The following CFD variants were observed in gnomAD, a reference collection of about 807,000 sequenced individuals.
The protein encoded by CFD is C3 convertase activator.
In CFD, 24 loss-of-function variants were observed where a neutral mutation model predicts 21.1. That is an observed-to-expected ratio of 1.14 (90% CI 0.82 to 1.60). The LOEUF (loss-of-function observed/expected upper bound fraction) is 1.60. CFD is among the 40% of genes most tolerant of loss of function. The pLI, the probability that CFD is intolerant of heterozygous loss-of-function variation, is 0.00. For synonymous variants in CFD, 242 were observed against 175.9 expected, an observed-to-expected ratio of 1.38 and a Z score of -2.97; for missense variants, 535 against 383.3, an observed-to-expected ratio of 1.40 and a Z score of -3.31.
In CFD at chr19:863,123, G is replaced by T; in HGVS notation, c.647G>T (p.Gly216Val). Residue 216 changes from glycine (G) to valine (V), a missense_variant, in exon 5 of 5, where the codon GGC (glycine) becomes GTC (valine). Gly to Val is a moderately radical substitution (Grantham distance 109). Transcript: ENST00000327726. Reference protein sequence around the residue: ...GDSGGPLVCGGVLEGVVTSGS... With the variant: ...GDSGGPLVCGVVLEGVVTSGS... ...TCCGGGGGCCCGCTGGTGTGCGGGG[G>T]CGTGCTCGAGGGCGTGGTCACCTCG... The T allele has an allele frequency of 1.3e-6, 2 of 1,531,956 alleles. No individual in the cohort carries two copies. Among genetic ancestry groups the T allele is most frequent in the Non-Finnish European group, 1.7e-6 (2 of 1,143,438 alleles). 94.9% of individuals were successfully genotyped at this position (1,531,956 alleles called of 1,614,324 possible). A position where few individuals can be genotyped will look rare whatever the true frequency, so the allele number is the denominator to read the frequency against.
Position 860,861 on chromosome 19 carries a change from GGCC to G in CFD, c.215_217del (p.Ala72del). On this transcript the variant is annotated inframe_deletion and splice_region_variant, in exon 3 of 5. Transcript: ENST00000327726. ...ACCGCGGACTCCGTCCGGTCCCCAG[GGCC>G]GACGGGAAGGTGCAGGTTCTCCTGG... is the stretch of plus-strand genomic sequence containing the variant. 1 of 1,570,088 alleles carries G rather than the reference GGCC, an allele frequency of 6.4e-7. No individual in the cohort carries two copies. Among genetic ancestry groups the G allele is most frequent in the Non-Finnish European group, 8.6e-7 (1 of 1,164,328 alleles).
Position 862,031 on chromosome 19 carries a change from G to C in CFD, c.615+75G>C. On this transcript the variant is annotated intron_variant, in intron 4 of 4. Transcript: ENST00000327726. ...GGGCCTGCAGAGGGAGCGCGAAGCG[G>C]GGGGCAAGTAGGAACAGGGCCCAGG... 7.4e-6 allele frequency: 11 copies of C among 1,493,006 alleles called. No individual in the cohort carries two copies. In the South Asian group the frequency reaches 1.0e-4, roughly 14 times the overall value. 92.5% of individuals were successfully genotyped at this position (1,493,006 alleles called of 1,614,324 possible). A position where few individuals can be genotyped will look rare whatever the true frequency, so the allele number is the denominator to read the frequency against.
At position 863,603 on chromosome 19, in the gene CFD, C is replaced by T; in HGVS notation, c.*365C>T. On this transcript the variant is annotated 3_prime_UTR_variant, in exon 5 of 5. Transcript: ENST00000327726. ...GGCAACAGAGTGAAACCTTGTCTCT[C>T]TCTACAAAAAAAAAAAAAAAATTCT... 5.3e-6 allele frequency: 1 copy of T among 187,512 alleles called. No homozygotes were observed. The highest frequency in any genetic ancestry group is 1.1e-5 in the Non-Finnish European group (1 of 92,744). The allele number at this position is 187,512 out of a possible 1,614,324, so 11.6% of individuals were successfully genotyped here.
In CFD at chr19:863,192, C is replaced by T. The variant is rs1370414137; in HGVS notation, c.716C>T (p.Thr239Ile). The change falls in exon 5 of 5, where the codon ACC becomes ATC. Residue 239 changes from threonine to isoleucine, a missense_variant. Thr to Ile is a moderately conservative substitution (Grantham distance 89). Transcript: ENST00000327726. The part of the protein sequence containing the change: ...CGNRKKPGIY[T>I]RVASYAAWID... ...AACCGCAAGAAGCCCGGGATCTACA[C>T]CCGCGTGGCGAGCTATGCGGCCTGG... 2 of 1,539,596 alleles carry T rather than the reference C, an allele frequency of 1.3e-6. No individual in the cohort carries two copies. The highest frequency in any genetic ancestry group is 1.7e-6 in the Non-Finnish European group (2 of 1,148,458).
rs895531193 is a variant in CFD at position 860,355 on chromosome 19, AT to A, written c.56-253del. Among the ~76,000 whole-genome samples the A allele has an allele frequency of 4.1e-5, 6 of 148,102 alleles. No individual in the cohort carries two copies. In the East Asian group the frequency reaches 6.0e-4, roughly 15 times the overall value. ...ATAGGCCACGCCGACTAAATTTTGT[AT>A]TTTTTTTTAAAGTAGAGACGGGGTT... On this transcript the variant is annotated intron_variant, in intron 1 of 4. Coordinates refer to ENST00000327726, the MANE Select transcript of CFD (RefSeq NM_001928.4).
intron 4 of CFD, among the ~76,000 whole-genome samples, chr19:862,771 A>G (rs2035821953): frequency 6.8e-6 from 1 of 148,042 alleles, no homozygotes; most frequent in African/African-American, 2.5e-5. Flanking sequence ...CGGCAAGTCA[A>G]AGCTTGGAAG....
Position 863,398 on chromosome 19 carries a change from A to G in CFD, c.*160A>G. 2.4e-6 allele frequency: 2 copies of G among 816,704 alleles called. No homozygotes were observed. Among genetic ancestry groups the G allele is most frequent in the Non-Finnish European group, 4.0e-6 (2 of 500,610 alleles). The allele number at this position is 816,704 out of a possible 1,614,324, so 50.6% of individuals were successfully genotyped here. On this transcript the variant is annotated 3_prime_UTR_variant, in exon 5 of 5. Coordinates refer to ENST00000327726, the MANE Select transcript of CFD (RefSeq NM_001928.4). Reference sequence around the variant, plus strand: ...TGGATCTCAGGAGTTCGAGATCAGCATGGGCCACGTAGCGCGACTCCATCT... The same window carrying G: ...TGGATCTCAGGAGTTCGAGATCAGCGTGGGCCACGTAGCGCGACTCCATCT...
Position 861,845 on chromosome 19 carries a change from C to T in CFD, c.504C>T (p.His168=). Residue 168 remains histidine, a synonymous_variant, in exon 4 of 5, where the codon CAC becomes CAT. Transcript: ENST00000327726. ...HAGRRPDSLQ[H]VLLPVLDRAT... is the part of the protein sequence containing the mutation. Reference sequence around the variant, plus strand: ...GCCGCCGCCCGGACAGCCTGCAGCACGTGCTCTTGCCAGTGCTGGACCGCG... The same window carrying T: ...GCCGCCGCCCGGACAGCCTGCAGCATGTGCTCTTGCCAGTGCTGGACCGCG... The T allele has an allele frequency of 6.3e-7, 1 of 1,599,702 alleles. No homozygotes were observed. The highest frequency in any genetic ancestry group is 1.3e-5 in the African/African-American group (1 of 74,976).
At chr19:862,975 ACACGGGAGGGATGAGCGAG>A in intron 4 of CFD, 98 bp from the exon 5 acceptor site, 1 of 1,078,684 alleles carries the variant, frequency 9.3e-7, no homozygotes, top group Non-Finnish European at 1.3e-6. Context: ...GACCAAATTA[ACACGGGAGGGATGAGCGAG>A]CATTGTGGGG....
At chr19:860,335 C>T (rs1005874779) in intron 1 of CFD, among the ~76,000 whole-genome samples, 6 of 152,036 alleles carry the variant, frequency 3.9e-5, no homozygotes, top group African/African-American at 1.4e-4. Context: ...AGATTATAGG[C>T]CACGCCGACT....
In CFD at chr19:863,310, T is replaced by G. The variant is rs773827844; in HGVS notation, c.*72T>G. The G allele has an allele frequency of 1.9e-5, 29 of 1,518,892 alleles. No homozygotes were observed. The highest frequency in any genetic ancestry group is 2.5e-5 in the Non-Finnish European group (28 of 1,131,070). The allele number at this position is 1,518,892 out of a possible 1,614,324, so 94.1% of individuals were successfully genotyped here. A position where few individuals can be genotyped will look rare whatever the true frequency, so the allele number is the denominator to read the frequency against. On this transcript the variant is annotated 3_prime_UTR_variant, in exon 5 of 5. Coordinates refer to ENST00000327726, the MANE Select transcript of CFD (RefSeq NM_001928.4). ...AGCAATGAAGTCATCCACTCCTGCA[T>G]CTGGTTGGTCTTTATTGAGCACCTA...
chr19:862,575 G>T (rs1032758311), intron 4 of CFD, among the ~76,000 whole-genome samples: 52 of 151,784 alleles, frequency 3.4e-4, no homozygotes, highest in African/African-American at 1.2e-3. Flanking sequence ...GTGCGGAGCG[G>T]GATCCCTGCT....
chr19:862,634 G>A (rs1305727931), intron 4 of CFD, among the ~76,000 whole-genome samples: 1 of 151,414 alleles, frequency 6.6e-6, no homozygotes, highest in African/African-American at 2.4e-5. Context: ...TTTAAGACCA[G>A]CCGAGGCTTG....
Position 863,461 on chromosome 19 carries a change from G to C in CFD, c.*223G>C, listed in dbSNP as rs1165064738. 1.7e-6 allele frequency: 1 copy of C among 600,912 alleles called. No individual in the cohort carries two copies. Among genetic ancestry groups the C allele is most frequent in the Non-Finnish European group, 3.0e-6 (1 of 334,822 alleles). 37.2% of individuals were successfully genotyped at this position (600,912 alleles called of 1,614,324 possible). On this transcript the variant is annotated 3_prime_UTR_variant, in exon 5 of 5. Transcript: ENST00000327726. ...AAAAAATTAGCTGGGCAATTGGCGGGCATGGAGGTGGGTGCTTGTAGTTCC... is the reference window on the plus strand; with the variant it reads ...AAAAAATTAGCTGGGCAATTGGCGGCCATGGAGGTGGGTGCTTGTAGTTCC...
chr19:860,178 G>A (rs1183783782), intron 1 of CFD, among the ~76,000 whole-genome samples: 1 of 151,364 alleles, frequency 6.6e-6, no homozygotes, highest in Non-Finnish European at 1.5e-5. Flanking sequence ...AGACGGAAAC[G>A]GGATTCTTTT....
At position 863,244 on chromosome 19, in the gene CFD, C is replaced by G. The variant is rs529438075; in HGVS notation, c.*6C>G. The G allele has an allele frequency of 7.1e-6, 11 of 1,547,342 alleles. No individual in the cohort carries two copies. Among genetic ancestry groups the G allele is most frequent in the Non-Finnish European group, 9.5e-6 (11 of 1,153,188 alleles). ...TCGACAGCGTCCTGGCCTAGGGTGCCGGGGCCTGAAGGTCAGGGTCACCCA... is the reference window on the plus strand; with the variant it reads ...TCGACAGCGTCCTGGCCTAGGGTGCGGGGGCCTGAAGGTCAGGGTCACCCA... On this transcript the variant is annotated 3_prime_UTR_variant, in exon 5 of 5. Coordinates refer to ENST00000327726, the MANE Select transcript of CFD (RefSeq NM_001928.4).
rs1192886275 is a variant in CFD, at chr19:861,950, C to T, written c.609C>T (p.Ser203=). The change falls in exon 4 of 5, where the codon AGC becomes AGT. Residue 203 remains serine (S), a synonymous_variant. Coordinates refer to ENST00000327726, the MANE Select transcript of CFD (RefSeq NM_001928.4). ...GCGCGGAGAGCAATCGCCGGGACAG[C>T]TGCAAGGTGAGCCTTCAGGCCTGGG... The part of the protein sequence containing the change: ...LMCAESNRRD[S]CKGDSGGPLV... The T allele has an allele frequency of 3.2e-6, 5 of 1,547,086 alleles. No individual in the cohort carries two copies. Among genetic ancestry groups the T allele is most frequent in the Non-Finnish European group, 4.3e-6 (5 of 1,153,460 alleles).
At position 861,393 on chromosome 19, in the gene CFD, C is replaced by T. The variant is rs564081279; in HGVS notation, c.358-306C>T. 3.5e-3 allele frequency among the ~76,000 whole-genome samples: 387 copies of T among 110,482 alleles called. 12 individuals are homozygous for T. The highest frequency in any genetic ancestry group is 0.012 in the African/African-American group (376 of 32,546). 72.5% of individuals were successfully genotyped at this position (110,482 alleles called of 152,430 possible). ...CATGGGGACCCCGCCCTACAACCCC[C>T]GCACCCTCACCCCGGGTCTAGCCTC... On this transcript the variant is annotated intron_variant, in intron 3 of 4. Transcript: ENST00000327726.
chr19:863,073 C>A lies in CFD; in HGVS notation c.616-19C>A, dbSNP rs765922043. On this transcript the variant is annotated intron_variant, in intron 4 of 4. Transcript: ENST00000327726. ...GGTGGGCGCGGGCCGCCCCTCACGG[C>A]CCCGTCCTGTTCCGGCAGGGTGACT... The A allele has an allele frequency of 3.0e-5, 45 of 1,513,166 alleles. No individual in the cohort carries two copies. In the East Asian group the frequency reaches 1.1e-3, roughly 36 times the overall value. The allele number at this position is 1,513,166 out of a possible 1,614,324, so 93.7% of individuals were successfully genotyped here. A position where few individuals can be genotyped will look rare whatever the true frequency, so the allele number is the denominator to read the frequency against.
Sources: gnomAD v4.1 joint callset for allele counts (sites outside exome capture counted in the v4.1 genomes callset) on GRCh38, gnomAD v4.1.1 for gene constraint, MANE v1.5 for transcripts, NCBI Gene and HGNC (gene_info 2026-07-23, HGNC 2026-07-21) for gene names.